Variants in CPNE4 observed in about 807,000 individuals in gnomAD.
The protein encoded by CPNE4 is copine-4.
Under a neutral mutation model 67.9 loss-of-function variants are expected in CPNE4, and 25 were observed. That is an observed-to-expected ratio of 0.37 (90% CI 0.27 to 0.51). The LOEUF (loss-of-function observed/expected upper bound fraction) is 0.51. CPNE4 is among the 20% of genes least tolerant of loss of function. The pLI, the probability that CPNE4 is intolerant of heterozygous loss-of-function variation, is 0.93. For synonymous variants in CPNE4, 242 were observed against 244.9 expected (o/e 0.99, Z 0.11); for missense variants, 464 against 690.8 (o/e 0.67, Z 3.68).
intron 15 of CPNE4, chr3:131,537,809 C>G (rs1935243817): frequency 6.4e-6 from 1 of 155,786 alleles, no homozygotes; most frequent in African/African-American, 2.4e-5. Context: ...CTGGCTCTGA[C>G]ACTATTGAAT....
chr3:131,795,949 A>T (rs114002624), intron 2 of CPNE4, among the ~76,000 whole-genome samples: 5 of 152,312 alleles, frequency 3.3e-5, no homozygotes, highest in Non-Finnish European at 7.3e-5. Flanking sequence ...AATGGCCACC[A>T]TGCAGGTTGC....
At chr3:131,692,084 T>C (rs1323020503) in intron 5 of CPNE4, among the ~76,000 whole-genome samples, 2 of 152,176 alleles carry the variant, frequency 1.3e-5, no homozygotes, top group Admixed American at 6.6e-5. Context: ...ATTCTGCTTT[T>C]TTAGTTCAAT....
intron 1 of CPNE4, among the ~76,000 whole-genome samples, chr3:131,950,307 A>G (rs1215740390): frequency 6.6e-6 from 1 of 152,146 alleles, no homozygotes; most frequent in Non-Finnish European, 1.5e-5. Flanking sequence ...TGGCACATCT[A>G]TTTTCTCAGT....
rs114449029 is a variant in CPNE4, at chr3:131,705,092, T to G, written c.361-5112A>C. Among the ~76,000 whole-genome samples the G allele has an allele frequency of 5.2e-3, 742 of 141,672 alleles. 7 individuals carry two copies. The highest frequency in any genetic ancestry group is 0.017 in the African/African-American group (684 of 39,242). 92.9% of individuals were successfully genotyped at this position (141,672 alleles called of 152,430 possible). A position where few individuals can be genotyped will look rare whatever the true frequency, so the allele number is the denominator to read the frequency against. The stretch of plus-strand genomic sequence containing the variant: ...CCACTTTTCCCTTCTTCCTCCACTC[T>G]TCCTCCTCACTTGCTCTTCTTTCCC... On this transcript the variant is annotated intron_variant, in intron 3 of 15. Coordinates refer to ENST00000429747, the MANE Select transcript of CPNE4 (RefSeq NM_130808.3).
At chr3:131,641,569 T>C (rs920186798) in intron 7 of CPNE4, among the ~76,000 whole-genome samples, 2 of 152,238 alleles carry the variant, frequency 1.3e-5, no homozygotes, top group Admixed American at 1.3e-4. Context: ...ATAGTGGGAA[T>C]GTAAACTAGT....
intron 14 of CPNE4, among the ~76,000 whole-genome samples, chr3:131,547,455 CAAAAAAAAAAAAAAAAAAAAAAAAAAAAA>C (rs56412825): frequency 6.3e-4 from 23 of 36,524 alleles, no homozygotes; most frequent in South Asian, 1.2e-3. Flanking sequence ...GACCCTGTCG[CAAAAAAAAAAAAAAAAAAAAAAAAAAAAA>C]AAAAAAAAAA....
intron 1 of CPNE4, among the ~76,000 whole-genome samples, chr3:132,032,903 C>T (rs1456215787): frequency 6.6e-6 from 1 of 152,184 alleles, no homozygotes; most frequent in Non-Finnish European, 1.5e-5. Flanking sequence ...TTGCCTCTGG[C>T]TTTTTGGGGG....
rs562297296 is a variant in CPNE4, at chr3:131,791,592, T to C, written c.181-67967A>G. Among the ~76,000 whole-genome samples the C allele has an allele frequency of 3.3e-5, 5 of 152,310 alleles. No homozygotes were observed. In the South Asian group the frequency reaches 1.0e-3, roughly 32 times the overall value. On this transcript the variant is annotated intron_variant, in intron 2 of 15. Transcript: ENST00000429747. ...TCCCAGTGCTGACAAGCTTACTTTA[T>C]TTGAAAAAGCGTAAGAAGTATGAGT...
intron 14 of CPNE4, among the ~76,000 whole-genome samples, chr3:131,544,384 G>A (rs1935697194): frequency 1.3e-5 from 2 of 152,282 alleles, no homozygotes; most frequent in East Asian, 1.9e-4. Flanking sequence ...AATGTAAGCT[G>A]GAGGTAGGTG....
chr3:131,945,530 C>T (rs555329740), intron 1 of CPNE4, among the ~76,000 whole-genome samples: 1 of 152,298 alleles, frequency 6.6e-6, no homozygotes, highest in African/African-American at 2.4e-5. Context: ...AGTCTTTGTT[C>T]TCGAGCTCCC....
At chr3:131,920,243 A>G (rs2070702937) in intron 1 of CPNE4, among the ~76,000 whole-genome samples, 2 of 152,188 alleles carry the variant, frequency 1.3e-5, no homozygotes, top group South Asian at 4.1e-4. Context: ...TTCAAGTCCT[A>G]GAAGGCCTAT....
chr3:131,746,765 T>C lies in CPNE4; in HGVS notation c.181-23140A>G, dbSNP rs562699360. On this transcript the variant is annotated intron_variant, in intron 2 of 15. Coordinates refer to ENST00000429747, the MANE Select transcript of CPNE4 (RefSeq NM_130808.3). ...CAGATATCTCTTTGATATACTGATT[T>C]TATTCCCTTTGGTTATATGCCCAGC... Among the ~76,000 whole-genome samples the C allele has an allele frequency of 2.6e-5, 4 of 152,310 alleles. No individual in the cohort carries two copies. In the South Asian group the frequency reaches 8.3e-4, roughly 32 times the overall value.
At chr3:131,812,562 C>A (rs1320670390) in intron 2 of CPNE4, among the ~76,000 whole-genome samples, 1 of 152,200 alleles carries the variant, frequency 6.6e-6, no homozygotes, top group Non-Finnish European at 1.5e-5. Context: ...TTGAGACCAA[C>A]AGCCCTAGGG....
At chr3:131,870,351 C>T (rs2087144433) in intron 2 of CPNE4, among the ~76,000 whole-genome samples, 1 of 152,186 alleles carries the variant, frequency 6.6e-6, no homozygotes, top group Admixed American at 6.5e-5. Flanking sequence ...CCTCAAGGAG[C>T]AACCGGTCTT....
chr3:132,026,519 C>A (rs1462048364), intron 1 of CPNE4, among the ~76,000 whole-genome samples: 1 of 152,216 alleles, frequency 6.6e-6, no homozygotes, highest in Non-Finnish European at 1.5e-5. Flanking sequence ...CCCTAAATTT[C>A]ATTCCTCTTC....
intron 7 of CPNE4, among the ~76,000 whole-genome samples, chr3:131,644,625 T>C (rs542857503): frequency 5.3e-5 from 8 of 152,332 alleles, no homozygotes; most frequent in African/African-American, 1.4e-4. Flanking sequence ...GGGCCATACA[T>C]ACAAGAAGTG....
intron 7 of CPNE4, chr3:131,620,612 G>A (rs1392030532): frequency 3.8e-6 from 1 of 262,868 alleles, no homozygotes; most frequent in African/African-American, 2.3e-5. Flanking sequence ...AGTATTTTGA[G>A]ACAAGAATAG....
intron 2 of CPNE4, among the ~76,000 whole-genome samples, chr3:131,823,590 G>T (rs1413423465): frequency 1.3e-5 from 2 of 152,196 alleles, no homozygotes; most frequent in African/African-American, 4.8e-5. Context: ...GATGGAGGAT[G>T]AGCTTTAGAA....
upstream of CPNE4, chr3:132,035,092 G>A: frequency 1.0e-6 from 1 of 982,862 alleles, no homozygotes; most frequent in Non-Finnish European, 1.2e-6. Context: ...GGTTGCTGAC[G>A]GAGACGAGCA....
Sources: gnomAD v4.1 joint callset for allele counts (sites outside exome capture counted in the v4.1 genomes callset) on GRCh38, gnomAD v4.1.1 for gene constraint, MANE v1.5 for transcripts, NCBI Gene and HGNC (gene_info 2026-07-23, HGNC 2026-07-21) for gene names.